The following TMPRSS15 variants were observed in gnomAD, a reference collection of about 807,000 sequenced individuals.
TMPRSS15 encodes enteropeptidase.
A neutral mutation model predicts 125.3 loss-of-function variants in TMPRSS15; 128 were observed. The ratio of observed to expected loss-of-function variants is 1.02; its 90% CI spans 0.89 to 1.18. TMPRSS15 has a LOEUF of 1.18. Among genes scored for constraint, TMPRSS15 ranks in the 50% most tolerant of loss-of-function variants. The pLI is 0.00. For synonymous variants in TMPRSS15, 446 were observed against 423.2 expected (o/e 1.05, Z -0.66); for missense variants, 1,283 against 1,212.7 (o/e 1.06, Z -0.86).
chr21:18,405,641 G>C (rs1447544099), upstream of TMPRSS15, among the ~76,000 whole-genome samples: 1 of 152,116 alleles, frequency 6.6e-6, no homozygotes, highest in Non-Finnish European at 1.5e-5. Flanking sequence ...TTAATAATAG[G>C]TTAGAAAAGA....
At chr21:18,462,336 A>G (rs1458611583) in intron 1 of TMPRSS15, among the ~76,000 whole-genome samples, 1 of 152,196 alleles carries the variant, frequency 6.6e-6, no homozygotes, top group Non-Finnish European at 1.5e-5. Flanking sequence ...TCGTTGCTAC[A>G]TACAAGAAAG....
chr21:18,448,584 A>G, intron 1 of TMPRSS15, among the ~76,000 whole-genome samples: 1 of 152,210 alleles, frequency 6.6e-6, no homozygotes, highest in East Asian at 1.9e-4. Flanking sequence ...ATTTAGTTGG[A>G]TTTTTTAAAA....
intron 1 of TMPRSS15, among the ~76,000 whole-genome samples, chr21:18,481,455 AG>A (rs1978979430): frequency 6.6e-6 from 1 of 151,832 alleles, no homozygotes; most frequent in African/African-American, 2.4e-5. Flanking sequence ...CATAATTTTC[AG>A]TTGTAAAACA....
intron 3 of TMPRSS15, among the ~76,000 whole-genome samples, chr21:18,385,081 A>G (rs941640697): frequency 8.5e-5 from 13 of 152,212 alleles, no homozygotes; most frequent in Admixed American, 8.5e-4. Flanking sequence ...ACAAGATGAT[A>G]TAATATTTTT....
At chr21:18,289,954 A>G (rs549361751) in intron 21 of TMPRSS15, among the ~76,000 whole-genome samples, 1 of 152,348 alleles carries the variant, frequency 6.6e-6, no homozygotes, top group South Asian at 2.1e-4. Context: ...ACTTAAGTTT[A>G]TGCATTTTCC....
chr21:18,274,735 G>C (rs1415025072), intron 24 of TMPRSS15, among the ~76,000 whole-genome samples: 2 of 152,196 alleles, frequency 1.3e-5, no homozygotes, highest in African/African-American at 2.4e-5. Context: ...AATTACTTCA[G>C]GTTACTGCAC....
Position 18,281,050 on chromosome 21 carries a change from C to A in TMPRSS15, c.2658G>T (p.Val886=). ...DIAMMHLEFK[V]NYTDYIQPIC... ...ATTTTTTTTTTTTACCTGTGTAATTCACTTTAAATTCCAGATGCATCATGG... is the reference window on the plus strand; with the variant it reads ...ATTTTTTTTTTTTACCTGTGTAATTAACTTTAAATTCCAGATGCATCATGG... The change falls in exon 22 of 25, where the codon GTG becomes GTT. Residue 886 remains valine (V), a synonymous_variant. Coordinates refer to ENST00000284885, the MANE Select transcript of TMPRSS15 (RefSeq NM_002772.3). 6.2e-7 allele frequency: 1 copy of A among 1,612,762 alleles called. No individual in the cohort carries two copies. Among genetic ancestry groups the A allele is most frequent in the Non-Finnish European group, 8.5e-7 (1 of 1,179,682 alleles).
chr21:18,484,826 G>A (rs1057037615), intron 1 of TMPRSS15, among the ~76,000 whole-genome samples: 5 of 151,434 alleles, frequency 3.3e-5, no homozygotes, highest in African/African-American at 1.2e-4. Flanking sequence ...ATTACTACAG[G>A]TTTATCCAAT....
chr21:18,339,822 T>A (rs1370043606), intron 13 of TMPRSS15, among the ~76,000 whole-genome samples: 1 of 152,242 alleles, frequency 6.6e-6, no homozygotes, highest in Non-Finnish European at 1.5e-5. Flanking sequence ...GAAAGTAGTA[T>A]GAAGTGATTG....
At chr21:18,465,783 C>T (rs553471080) in intron 1 of TMPRSS15, among the ~76,000 whole-genome samples, 4 of 152,150 alleles carry the variant, frequency 2.6e-5, no homozygotes, top group Admixed American at 2.0e-4. Flanking sequence ...AATGGAAAAG[C>T]CTTCTATGCT....
intron 8 of TMPRSS15, 42 bp downstream of exon 8, chr21:18,359,715 A>G (rs996873461): frequency 4.1e-6 from 4 of 982,560 alleles, no homozygotes; most frequent in Non-Finnish European, 6.4e-6. Context: ...TTACCCACAT[A>G]TTTTCATTTT....
rs116164005 is a variant in TMPRSS15, at chr21:18,269,435, A to G, written c.*534T>C. 3,067 of 153,384 alleles carry G rather than the reference A, an allele frequency of 0.02. 110 individuals are homozygous for G. The highest frequency in any genetic ancestry group is 0.071 in the African/African-American group (2,937 of 41,544). The allele number at this position is 153,384 out of a possible 1,614,324, so 9.5% of individuals were successfully genotyped here. On this transcript the variant is annotated 3_prime_UTR_variant, in exon 25 of 25. Transcript: ENST00000284885. ...CATAAGCTTACAATAAATAGTTTCT[A>G]TTGGTTGGGAAAATACTAAGGTTAT...
chr21:18,305,163 C>A (rs1275460284), intron 18 of TMPRSS15, among the ~76,000 whole-genome samples: 1 of 145,420 alleles, frequency 6.9e-6, no homozygotes, highest in Non-Finnish European at 1.5e-5. Context: ...AGGTAGGATT[C>A]CAGGATTTGA....
chr21:18,314,557 C>G (rs551981483), intron 17 of TMPRSS15, among the ~76,000 whole-genome samples: 30 of 152,204 alleles, frequency 2.0e-4, no homozygotes, highest in African/African-American at 7.0e-4. Flanking sequence ...GGATTATAGG[C>G]GTGAGCCACT....
intron 7 of TMPRSS15, among the ~76,000 whole-genome samples, chr21:18,362,411 C>T (rs185448005): frequency 6.6e-6 from 1 of 152,152 alleles, no homozygotes; most frequent in East Asian, 1.9e-4. Flanking sequence ...TGAGGAGCCC[C>T]CTAGGACGCT....
chr21:18,300,318 C>T (rs929273207), intron 18 of TMPRSS15, among the ~76,000 whole-genome samples: 1 of 145,996 alleles, frequency 6.8e-6, no homozygotes, highest in Admixed American at 7.0e-5. Flanking sequence ...CTTTCTTTCT[C>T]CTTCCTTCCT....
chr21:18,316,548 A>T (rs965878474), intron 16 of TMPRSS15, among the ~76,000 whole-genome samples: 14 of 152,182 alleles, frequency 9.2e-5, no homozygotes, highest in Admixed American at 2.0e-4. Context: ...AAAGAAGTTG[A>T]GGATAGAGCT....
intron 24 of TMPRSS15, among the ~76,000 whole-genome samples, chr21:18,273,442 A>G (rs754221726): frequency 5.3e-5 from 8 of 152,236 alleles, no homozygotes; most frequent in Non-Finnish European, 7.3e-5. Flanking sequence ...TAATTACTCA[A>G]TTATGATAAC....
chr21:18,378,832 A>AC (rs1463915382), intron 5 of TMPRSS15, among the ~76,000 whole-genome samples: 1 of 152,124 alleles, frequency 6.6e-6, no homozygotes, highest in Non-Finnish European at 1.5e-5. Context: ...CTTAAAAAAA[A>AC]TTCCTGAATG....
Sources: allele counts gnomAD v4.1 joint callset (sites outside exome capture counted in the v4.1 genomes callset), GRCh38; gene constraint gnomAD v4.1.1; transcripts MANE v1.5; gene names NCBI Gene and HGNC (gene_info 2026-07-23, HGNC 2026-07-21).